Variants in MRPS5 observed in about 807,000 individuals in gnomAD.
The protein encoded by MRPS5 is small ribosomal subunit protein uS5m.
A neutral mutation model predicts 51.9 loss-of-function variants in MRPS5; 27 were observed. The ratio of observed to expected loss-of-function variants is 0.52; its 90% CI spans 0.38 to 0.72. The LOEUF is 0.72. Among genes scored for constraint, MRPS5 ranks in the 30% least tolerant of loss-of-function variants. MRPS5 has a pLI of 0.00. For missense variants in MRPS5, 570 were observed against 545.7 expected (o/e 1.04, Z -0.44); for synonymous variants, 196 against 193.2 (o/e 1.01, Z -0.12).
At chr2:95,117,721 G>C (rs1382137590) in intron 2 of MRPS5, 144 bp downstream of exon 2, 1 of 652,628 alleles carries the variant, frequency 1.5e-6, no homozygotes, top group African/African-American at 1.9e-5. Context: ...TGTGATTATT[G>C]CAGTAAGACT....
At chr2:95,117,769 G>T in intron 2 of MRPS5, 96 bp downstream of exon 2, 1 of 1,015,052 alleles carries the variant, frequency 9.9e-7, no homozygotes. Flanking sequence ...AGAGAGAAAA[G>T]AAAAAAGCAG....
At chr2:95,107,198 A>C (rs1043979568) in intron 5 of MRPS5, among the ~76,000 whole-genome samples, 8 of 152,146 alleles carry the variant, frequency 5.3e-5, no homozygotes, top group African/African-American at 1.9e-4. Flanking sequence ...ACTCTGCTCA[A>C]CTCTCACTAC....
At chr2:95,105,352 C>G (rs1331980930) in intron 6 of MRPS5, among the ~76,000 whole-genome samples, 1 of 152,144 alleles carries the variant, frequency 6.6e-6, no homozygotes, top group East Asian at 1.9e-4. Context: ...GATCCGAGAT[C>G]ATCCTGGCTA....
At chr2:95,101,227 T>A (rs1385315842) in intron 8 of MRPS5, among the ~76,000 whole-genome samples, 1 of 151,810 alleles carries the variant, frequency 6.6e-6, no homozygotes, top group Non-Finnish European at 1.5e-5. Context: ...CTACCAAAAA[T>A]ACAAAAGTTA....
At chr2:95,098,431 GAA>G (rs1675692215) in intron 10 of MRPS5, among the ~76,000 whole-genome samples, 1 of 152,132 alleles carries the variant, frequency 6.6e-6, no homozygotes, top group South Asian at 2.1e-4. Flanking sequence ...CAAAGACTTG[GAA>G]TCAACCCAAA....
rs183447170 is a variant in MRPS5, at chr2:95,095,416, C to T, written c.932-4894G>A. Among the ~76,000 whole-genome samples the T allele has an allele frequency of 1.2e-4, 19 of 152,320 alleles. No individual in the cohort carries two copies. In the East Asian group the frequency reaches 3.7e-3, roughly 29 times the overall value. ...ACAGAACATACATTCTTCTCAGCACCACATCGCACTTATTCCAAAGTTGAC... is the reference window on the plus strand; with the variant it reads ...ACAGAACATACATTCTTCTCAGCACTACATCGCACTTATTCCAAAGTTGAC... On this transcript the variant is annotated intron_variant, in intron 10 of 11. Coordinates refer to ENST00000272418, the MANE Select transcript of MRPS5 (RefSeq NM_031902.5).
intron 10 of MRPS5, 28 bp downstream of exon 10, chr2:95,100,446 C>T: frequency 1.3e-6 from 2 of 1,526,860 alleles, no homozygotes; most frequent in Non-Finnish European, 1.8e-6. Context: ...GCTTTATCAT[C>T]AACAAATGGT....
At chr2:95,096,080 T>G (rs944903172) in intron 10 of MRPS5, among the ~76,000 whole-genome samples, 11 of 151,828 alleles carry the variant, frequency 7.2e-5, no homozygotes, top group Non-Finnish European at 1.2e-4. Flanking sequence ...AACTAGAAAA[T>G]CTAGAAGAAA....
At position 95,104,718 on chromosome 2, in the gene MRPS5, A is replaced by T; in HGVS notation, c.685T>A (p.Phe229Ile). 6.2e-7 allele frequency: 1 copy of T among 1,614,014 alleles called. No individual in the cohort carries two copies. The highest frequency in any genetic ancestry group is 8.5e-7 in the Non-Finnish European group (1 of 1,179,946). Residue 229 changes from phenylalanine to isoleucine, a missense_variant, in exon 7 of 12, where the codon TTC becomes ATC. Transcript: ENST00000272418. ...CTTCCCTCTTTCGCAGTCATAGTGA[A>T]AACGTTTCTTACCTAAAAGGCAAAA... ...DTRILEVRNV[F>I]TMTAKEGRKK...
intron 2 of MRPS5, among the ~76,000 whole-genome samples, chr2:95,116,738 G>C (rs1369740871): frequency 4.6e-5 from 7 of 152,218 alleles, no homozygotes; most frequent in Non-Finnish European, 7.3e-5. Context: ...TCAAGTCAAA[G>C]ACATGCAGAG....
chr2:95,106,749 T>A, intron 5 of MRPS5: 1 of 466,804 alleles, frequency 2.1e-6, no homozygotes, highest in Non-Finnish European at 3.9e-6. Flanking sequence ...TCTGCTTCCC[T>A]CCCTCTCACG....
intron 10 of MRPS5, among the ~76,000 whole-genome samples, chr2:95,096,938 C>G (rs1462793542): frequency 1.3e-5 from 2 of 152,152 alleles, no homozygotes; most frequent in African/African-American, 4.8e-5. Flanking sequence ...ATTTAGAAAA[C>G]CCCATCGTCT....
intron 7 of MRPS5, 77 bp downstream of exon 7, chr2:95,104,563 T>C (rs767207361): frequency 2.7e-6 from 4 of 1,479,512 alleles, no homozygotes; most frequent in Non-Finnish European, 3.8e-6. Flanking sequence ...CATGAGCCCA[T>C]GGGCTCCACA....
chr2:95,101,853 C>T (rs1228263297), intron 7 of MRPS5, 130 bp from the exon 8 acceptor site: 4 of 637,010 alleles, frequency 6.3e-6, no homozygotes, highest in African/African-American at 3.7e-5. Flanking sequence ...AAAAGACTTG[C>T]TATACAAAAC....
chr2:95,110,526 G>A (rs887818710), intron 3 of MRPS5, among the ~76,000 whole-genome samples: 4 of 152,210 alleles, frequency 2.6e-5, no homozygotes, highest in Non-Finnish European at 5.9e-5. Context: ...CTGTTGGCCA[G>A]GTACAGTGGC....
chr2:95,106,879 C>G (rs565443190), intron 5 of MRPS5, among the ~76,000 whole-genome samples: 1 of 152,268 alleles, frequency 6.6e-6, no homozygotes, highest in South Asian at 2.1e-4. Context: ...CCATGCAGCT[C>G]TCTGGCCACT....
intron 6 of MRPS5, 66 bp from the exon 7 acceptor site, chr2:95,104,796 G>A: frequency 6.8e-7 from 1 of 1,460,506 alleles, no homozygotes; most frequent in Non-Finnish European, 9.5e-7. Flanking sequence ...ACTGGAGGGA[G>A]CCGCCTTCCT....
At position 95,087,323 on chromosome 2, in the gene MRPS5, C is replaced by A. The variant is rs1268700974; in HGVS notation, c.*34G>T. Reference sequence around the variant, plus strand: ...GGCTGAGTCTCTCCTAGGTGCAGGGCAGCACAGGAACTGGCTGCACAAGGC... The same window carrying A: ...GGCTGAGTCTCTCCTAGGTGCAGGGAAGCACAGGAACTGGCTGCACAAGGC... On this transcript the variant is annotated 3_prime_UTR_variant, in exon 12 of 12. Coordinates refer to ENST00000272418, the MANE Select transcript of MRPS5 (RefSeq NM_031902.5). The A allele has an allele frequency of 6.4e-7, 1 of 1,570,962 alleles. No individual in the cohort carries two copies. Among genetic ancestry groups the A allele is most frequent in the Non-Finnish European group, 8.8e-7 (1 of 1,141,754 alleles).
chr2:95,121,936 G>T, upstream of MRPS5: 1 of 948,936 alleles, frequency 1.1e-6, no homozygotes, highest in Admixed American at 3.5e-5. Flanking sequence ...GCCGGGGTGA[G>T]GGACTGTCCG....
Sources: allele counts gnomAD v4.1 joint callset (sites outside exome capture counted in the v4.1 genomes callset), GRCh38; gene constraint gnomAD v4.1.1; transcripts MANE v1.5; gene names NCBI Gene and HGNC (gene_info 2026-07-23, HGNC 2026-07-21).